The following PHLDB3 variants were observed in gnomAD, a reference collection of about 807,000 sequenced individuals.
PHLDB3 encodes pleckstrin homology-like domain family B member 3.
Under a neutral mutation model 85.7 loss-of-function variants are expected in PHLDB3, and 86 were observed. The ratio of observed to expected loss-of-function variants is 1.00; its 90% CI spans 0.84 to 1.20. PHLDB3 has a LOEUF of 1.20. Among genes scored for constraint, PHLDB3 ranks in the 50% most tolerant of loss-of-function variants. The pLI is 0.00. For missense variants in PHLDB3, 995 were observed against 873.0 expected (o/e 1.14, Z -1.76); for synonymous variants, 376 against 349.8 (o/e 1.07, Z -0.83).
At chr19:43,489,046 T>C (rs1340622124) in intron 9 of PHLDB3, among the ~76,000 whole-genome samples, 1 of 152,138 alleles carries the variant, frequency 6.6e-6, no homozygotes, top group Non-Finnish European at 1.5e-5. Flanking sequence ...GTGATCCACC[T>C]GCCTCGGCCT....
chr19:43,487,160 G>A (rs1266005924), intron 9 of PHLDB3, 37 bp from the exon 10 acceptor site: 2 of 1,530,310 alleles, frequency 1.3e-6, no homozygotes, highest in African/African-American at 1.4e-5. Flanking sequence ...TAGGAAAAAG[G>A]CTTGATCTCC....
At position 43,475,451 on chromosome 19, in the gene PHLDB3, C is replaced by T. The variant is rs1304796326; in HGVS notation, c.1882G>A (p.Asp628Asn). ...TCGTCAGCGGCGGTCACGATGACGT[C>T]CATCCAAATGCGCATGGCTTCGGGG... ...PSPEAMRIWM[D>N]VIVTAADENH... The change falls in exon 16 of 16, where the codon GAC (aspartate) becomes AAC (asparagine). Residue 628 changes from aspartate (D) to asparagine (N), a missense_variant. Physicochemically the swap from Asp to Asn is conservative, Grantham distance 23. Coordinates refer to ENST00000292140, the MANE Select transcript of PHLDB3 (RefSeq NM_198850.4). 17 of 1,613,960 alleles carry T rather than the reference C, an allele frequency of 1.1e-5. No individual in the cohort carries two copies. Among genetic ancestry groups the T allele is most frequent in the Non-Finnish European group, 1.4e-5 (17 of 1,179,854 alleles).
intron 13 of PHLDB3, among the ~76,000 whole-genome samples, chr19:43,482,830 GCCT>G (rs1425590717): frequency 6.6e-6 from 1 of 152,106 alleles, no homozygotes; most frequent in East Asian, 1.9e-4. Flanking sequence ...GAGCCACCAC[GCCT>G]GGCCTGTGCT....
At chr19:43,481,579 T>C (rs1181307815) in intron 13 of PHLDB3, among the ~76,000 whole-genome samples, 1 of 151,408 alleles carries the variant, frequency 6.6e-6, no homozygotes, top group Admixed American at 6.6e-5. Flanking sequence ...GATGGCACCA[T>C]TGCACTCCAG....
At chr19:43,486,750 C>T (rs1286623208) in intron 11 of PHLDB3, 30 bp downstream of exon 11, 1 of 1,610,704 alleles carries the variant, frequency 6.2e-7, no homozygotes, top group Admixed American at 1.7e-5. Flanking sequence ...CCTCTTCTTC[C>T]ATCTCCCCAC....
At position 43,497,571 on chromosome 19, in the gene PHLDB3, G is replaced by A. The variant is rs147288891; in HGVS notation, c.663+177C>T. ...TACTAAAATGCCAAAAATTAGCTGGGTGTGGTGGTGCGCACCTGTAGTCCC... is the reference window on the plus strand; with the variant it reads ...TACTAAAATGCCAAAAATTAGCTGGATGTGGTGGTGCGCACCTGTAGTCCC... On this transcript the variant is annotated intron_variant, in intron 5 of 15. Transcript: ENST00000292140. 8.7e-4 allele frequency among the ~76,000 whole-genome samples: 133 copies of A among 152,252 alleles called. No individual in the cohort carries two copies. In the South Asian group the frequency reaches 9.3e-3, roughly 11 times the overall value.
rs930081465 is a variant in PHLDB3 at position 43,502,195 on chromosome 19, A to G, written c.302T>C (p.Leu101Pro). 6.4e-7 allele frequency: 1 copy of G among 1,571,844 alleles called. No individual in the cohort carries two copies. Reference sequence around the variant, plus strand: ...CAATGCCTCCAGCTGCTGTCCTTGCAGGCGCCGCGCCGCCCCTCGCACCCC... The same window carrying G: ...CAATGCCTCCAGCTGCTGTCCTTGCGGGCGCCGCGCCGCCCCTCGCACCCC... ...REGVRGAARR[L>P]QGQQLEALTR... is the part of the protein sequence containing the mutation. The change falls in exon 3 of 16, where the codon CTG (leucine) becomes CCG (proline). Residue 101 changes from leucine to proline, a missense_variant. Transcript: ENST00000292140.
intron 9 of PHLDB3, among the ~76,000 whole-genome samples, chr19:43,490,184 G>C (rs1971282366): frequency 6.6e-6 from 1 of 152,090 alleles, no homozygotes; most frequent in Non-Finnish European, 1.5e-5. Flanking sequence ...ATCGATCATT[G>C]AACTGTGGTT....
Position 43,497,175 on chromosome 19 carries a change from C to T in PHLDB3, c.768G>A (p.Gly256=), listed in dbSNP as rs1312442648. 2 of 1,563,882 alleles carry T rather than the reference C, an allele frequency of 1.3e-6. No individual in the cohort carries two copies. Among genetic ancestry groups the T allele is most frequent in the South Asian group, 1.2e-5 (1 of 85,224 alleles). ...GGACCTTGGGGTCTGGCACCTGGGG[C>T]CCAGGGCTGTCCCGATCCTCCTCCT... is the stretch of plus-strand genomic sequence containing the variant. ...RQEEEDRDSP[G]PQVPDPKVQE... The change falls in exon 6 of 16, where the codon GGG becomes GGA. Residue 256 remains glycine, a synonymous_variant. Coordinates refer to ENST00000292140, the MANE Select transcript of PHLDB3 (RefSeq NM_198850.4).
intron 9 of PHLDB3, among the ~76,000 whole-genome samples, 157 bp from the exon 10 acceptor site, chr19:43,487,280 A>G (rs1356478590): frequency 2.6e-5 from 4 of 152,196 alleles, no homozygotes; most frequent in African/African-American, 4.8e-5. Context: ...GATCCCGTTT[A>G]TAAGAAATAT....
chr19:43,475,418 C>A lies in PHLDB3; in HGVS notation c.1915G>T (p.Ala639Ser), dbSNP rs764667252. 3.1e-6 allele frequency: 5 copies of A among 1,613,826 alleles called. No homozygotes were observed. In the South Asian group the frequency reaches 5.5e-5, roughly 18 times the overall value. ...CAAGAGGGCGGGGCCACTCAGGGGG[C>A]GTGGTTTTCGTCAGCGGCGGTCACG... Reference protein sequence around the residue: ...VIVTAADENHAP With the variant: ...VIVTAADENHSP The change falls in exon 16 of 16, where the codon GCC (alanine) becomes TCC (serine). Residue 639 changes from alanine to serine, a missense_variant. Transcript: ENST00000292140.
chr19:43,487,079 C>T lies in PHLDB3; in HGVS notation c.1194G>A (p.Arg398=), dbSNP rs749748998. 30 of 1,578,206 alleles carry T rather than the reference C, an allele frequency of 1.9e-5. 1 individual carries two copies. The African/African-American group carries it at 2.8e-4, about 15-fold the overall frequency. The change falls in exon 10 of 16, where the codon AGG becomes AGA. Residue 398 remains arginine, a synonymous_variant. Coordinates refer to ENST00000292140, the MANE Select transcript of PHLDB3 (RefSeq NM_198850.4). ...LQRTGSLPRK[R]GERGSQRGSP... is the part of the protein sequence containing the mutation. ...ATCCTCTCTGGCTCCCCCTCTCCCC[C>T]CTTTTCCGGGGCAGGCTCCCAGTCC...
At chr19:43,487,600 A>G (rs1160695454) in intron 9 of PHLDB3, among the ~76,000 whole-genome samples, 1 of 147,220 alleles carries the variant, frequency 6.8e-6, no homozygotes, top group Non-Finnish European at 1.5e-5. Flanking sequence ...AAACACAGAA[A>G]AGAAAAAAAG....
chr19:43,495,315 T>G lies in PHLDB3; in HGVS notation c.976A>C (p.Asn326His). 1 of 1,613,712 alleles carries G rather than the reference T, an allele frequency of 6.2e-7. No individual in the cohort carries two copies. The highest frequency in any genetic ancestry group is 1.6e-4 in the Middle Eastern group (1 of 6,062). Residue 326 changes from asparagine to histidine, a missense_variant, in exon 8 of 16, where the codon AAT becomes CAT. Coordinates refer to ENST00000292140, the MANE Select transcript of PHLDB3 (RefSeq NM_198850.4). ...CCGCCAGGTGTTCCCTGAAGGCAATTGAGCTCGAGCAGCCGGCTCCGTTCC... is the reference window on the plus strand; with the variant it reads ...CCGCCAGGTGTTCCCTGAAGGCAATGGAGCTCGAGCAGCCGGCTCCGTTCC... ...SQERSRLLEL[N>H]CLQGTPGGDF... is the part of the protein sequence containing the mutation.
rs1486258910 is a variant in PHLDB3, at chr19:43,497,279, T to C, written c.664A>G (p.Met222Val). 1.0e-5 allele frequency: 15 copies of C among 1,438,712 alleles called. No individual in the cohort carries two copies. In the East Asian group the frequency reaches 3.4e-4, roughly 33 times the overall value. The allele number at this position is 1,438,712 out of a possible 1,614,324, so 89.1% of individuals were successfully genotyped here. A position where few individuals can be genotyped will look rare whatever the true frequency, so the allele number is the denominator to read the frequency against. ...TGGGCCACATCCAGTTGTTCCCTCA[T>C]CTATAGGTCGGAACACAAAAAGGGT... ...RERLLQGVQE[M>V]REQLDVAQRA... Residue 222 changes from methionine (M) to valine (V), a missense_variant and splice_region_variant, in exon 6 of 16, where the codon ATG becomes GTG. Transcript: ENST00000292140.
chr19:43,502,751 C>G (rs544392852), intron 2 of PHLDB3, among the ~76,000 whole-genome samples: 1 of 152,012 alleles, frequency 6.6e-6, no homozygotes, highest in East Asian at 1.9e-4. Context: ...CCACCGCGCC[C>G]GGCCTCAGAC....
intron 13 of PHLDB3, among the ~76,000 whole-genome samples, chr19:43,480,264 TAAAAAAAAAAAAAA>T (rs57417757): frequency 9.8e-5 from 7 of 71,608 alleles, no homozygotes; most frequent in South Asian, 6.9e-4. Context: ...CTTCTCTATT[TAAAAAAAAAAAAAA>T]AAAAAAAAAA....
At chr19:43,493,624 T>C (rs2145928546) in intron 9 of PHLDB3, among the ~76,000 whole-genome samples, 1 of 149,768 alleles carries the variant, frequency 6.7e-6, no homozygotes, top group South Asian at 2.1e-4. Context: ...AGAGTGAGAC[T>C]CTGTCAAAAA....
chr19:43,500,895 G>GTGCCCCCCCCCCCCTCCCC (rs1971570922), intron 4 of PHLDB3, among the ~76,000 whole-genome samples: 1 of 33,560 alleles, frequency 3.0e-5, no homozygotes, highest in African/African-American at 1.7e-4. Context: ...CTCCCACTTT[G>GTGCCCCCCCCCCCCTCCCC]CCCCGCCCCC....
Sources: gnomAD v4.1 joint callset for allele counts (sites outside exome capture counted in the v4.1 genomes callset) on GRCh38, gnomAD v4.1.1 for gene constraint, MANE v1.5 for transcripts, NCBI Gene and HGNC (gene_info 2026-07-23, HGNC 2026-07-21) for gene names.